The following DGAT2L6 variants were observed in gnomAD, a reference collection of about 807,000 sequenced individuals.
DGAT2L6 encodes the protein diacylglycerol O-acyltransferase 2-like protein 6.
A neutral mutation model predicts 25.5 loss-of-function variants in DGAT2L6; 22 were observed. The ratio of observed to expected loss-of-function variants is 0.86; its 90% confidence interval spans 0.62 to 1.23. The LOEUF is 1.23. Ranked by LOEUF, DGAT2L6 falls within the 50% of genes most tolerant of loss-of-function variation. DGAT2L6 has a pLI of 0.00. For missense variants in DGAT2L6, 287 were observed against 253.2 expected (o/e 1.13, Z -0.91); for synonymous variants, 100 against 94.7 (o/e 1.06, Z -0.32).
chrX:70,178,799 T>C (rs2085334496), intron 1 of DGAT2L6, among the ~76,000 whole-genome samples: 1 of 112,291 alleles, frequency 8.9e-6, no homozygotes, highest in Non-Finnish European at 1.9e-5. Context: ...TTTCCTTCAA[T>C]GATGAATGTA....
At position 70,205,334 on chromosome X, in the gene DGAT2L6, G is replaced by A; in HGVS notation, c.*228G>A. On this transcript the variant is annotated 3_prime_UTR_variant, in exon 7 of 7. Transcript: ENST00000333026. The stretch of plus-strand genomic sequence containing the variant: ...GAGGGGCAGGGGAGGACTGGGGAGG[G>A]CTGGCTAGCCAGAGGAGTTGGCTGT... The A allele has an allele frequency of 2.9e-6, 1 of 340,494 alleles. No homozygotes were observed. The highest frequency in any genetic ancestry group is 4.8e-6 in the Non-Finnish European group (1 of 209,241). 28.1% of individuals were successfully genotyped at this position (340,494 alleles called of 1,213,427 possible).
At chrX:70,204,594 G>A (rs1254809525) in intron 6 of DGAT2L6, 78 bp downstream of exon 6, 2 of 1,103,644 alleles carry the variant, frequency 1.8e-6, no homozygotes, top group African/African-American at 3.6e-5. Context: ...TCAAGTCCAG[G>A]GGGACCCAAC....
At chrX:70,183,167 G>A (rs777266925) in intron 1 of DGAT2L6, among the ~76,000 whole-genome samples, 7 of 112,581 alleles carry the variant, frequency 6.2e-5, no homozygotes, top group Admixed American at 1.9e-4. Flanking sequence ...ATGTATAAAG[G>A]TATCAGACTG....
rs756237445 is a variant in DGAT2L6 at position 70,183,294 on chromosome X, A to G, written c.85+5627A>G. Among the ~76,000 whole-genome samples the G allele has an allele frequency of 4.5e-5, 5 of 112,080 alleles. No homozygotes were observed. The East Asian group carries it at 1.4e-3, about 32-fold the overall frequency. Reference sequence around the variant, plus strand: ...AATCTATTCACTAAACAAACAGGAAATGTACTCTCCCACTCCTTCACCTCT... The same window carrying G: ...AATCTATTCACTAAACAAACAGGAAGTGTACTCTCCCACTCCTTCACCTCT... On this transcript the variant is annotated intron_variant, in intron 1 of 6. Transcript: ENST00000333026.
At chrX:70,203,463 T>C (rs2085417839) in intron 5 of DGAT2L6, among the ~76,000 whole-genome samples, 1 of 111,754 alleles carries the variant, frequency 8.9e-6, no homozygotes, top group African/African-American at 3.3e-5. Context: ...GAACTGTGAA[T>C]TGAAATATTG....
In DGAT2L6 at chrX:70,205,258, G is replaced by C; in HGVS notation, c.*152G>C. 1.5e-6 allele frequency: 1 copy of C among 681,058 alleles called. No individual in the cohort carries two copies. Among genetic ancestry groups the C allele is most frequent in the Non-Finnish European group, 2.0e-6 (1 of 503,268 alleles). The allele number at this position is 681,058 out of a possible 1,213,427, so 56.1% of individuals were successfully genotyped here. On this transcript the variant is annotated 3_prime_UTR_variant, in exon 7 of 7. Transcript: ENST00000333026. ...AATTATTTAATAAATCAGAGTTCTA[G>C]CAATAGAGTCCTCTCCCAAGTGGCT...
At chrX:70,178,400 T>C (rs2085333295) in intron 1 of DGAT2L6, among the ~76,000 whole-genome samples, 2 of 111,083 alleles carry the variant, frequency 1.8e-5, no homozygotes, top group Non-Finnish European at 3.8e-5. Context: ...AAGTCAACAA[T>C]GTTGGGCCTC....
intron 1 of DGAT2L6, among the ~76,000 whole-genome samples, chrX:70,187,231 C>T (rs771203269): frequency 9.0e-5 from 10 of 110,668 alleles, no homozygotes; most frequent in African/African-American, 3.0e-4. Context: ...CAAAGATGGC[C>T]TAAAAATATT....
intron 1 of DGAT2L6, among the ~76,000 whole-genome samples, chrX:70,186,368 C>T (rs1037986731): frequency 7.2e-5 from 8 of 111,620 alleles, no homozygotes; most frequent in South Asian, 3.7e-4. Flanking sequence ...CAATTCTGAC[C>T]GGGAGATGAG....
intron 1 of DGAT2L6, among the ~76,000 whole-genome samples, chrX:70,187,024 C>T (rs2085361712): frequency 9.0e-6 from 1 of 111,457 alleles, no homozygotes; most frequent in Non-Finnish European, 1.9e-5. Flanking sequence ...AAATTTCTGG[C>T]AGAGGTGTGG....
chrX:70,202,165 C>T (rs2085412980), intron 5 of DGAT2L6, 101 bp downstream of exon 5: 1 of 751,842 alleles, frequency 1.3e-6, no homozygotes, highest in Non-Finnish European at 1.8e-6. Context: ...AGAGGGCCCC[C>T]ATCTTCACTC....
At chrX:70,194,946 A>C (rs1259180698) in intron 1 of DGAT2L6, among the ~76,000 whole-genome samples, 1 of 112,147 alleles carries the variant, frequency 8.9e-6, no homozygotes, top group Non-Finnish European at 1.9e-5. Flanking sequence ...AACAAAATGA[A>C]AAGGCAACCC....
intron 1 of DGAT2L6, among the ~76,000 whole-genome samples, chrX:70,178,437 C>CTTTTT (rs943142877): frequency 9.0e-6 from 1 of 110,736 alleles, no homozygotes; most frequent in Non-Finnish European, 1.9e-5. Flanking sequence ...TCTGAGGCAG[C>CTTTTT]TTTTTTTTGT....
rs1569207575 is a variant in DGAT2L6, at chrX:70,204,390, T to C, written c.733T>C (p.Phe245Leu). 1.7e-6 allele frequency: 2 copies of C among 1,209,480 alleles called. No homozygotes were observed. Among genetic ancestry groups the C allele is most frequent in the Non-Finnish European group, 1.1e-6 (1 of 895,050 alleles). ...CCCTGAGGGCACGTGGTTAAGGTTG[T>C]TCCAAAAAACCTTCCAGGACACATT... Reference protein sequence around the residue: ...TFPEGTWLRLFQKTFQDTFKK... With the variant: ...TFPEGTWLRLLQKTFQDTFKK... Residue 245 changes from phenylalanine (F) to leucine (L), a missense_variant, in exon 6 of 7, where the codon TTC becomes CTC. Transcript: ENST00000333026.
intron 1 of DGAT2L6, among the ~76,000 whole-genome samples, chrX:70,179,155 C>G (rs1293989590): frequency 3.6e-5 from 4 of 112,159 alleles, no homozygotes; most frequent in Non-Finnish European, 3.8e-5. Context: ...GGGTCCACAG[C>G]CTTCTCAAAA....
intron 1 of DGAT2L6, among the ~76,000 whole-genome samples, chrX:70,188,360 G>A (rs1355827503): frequency 2.7e-5 from 3 of 111,379 alleles, no homozygotes; most frequent in African/African-American, 9.8e-5. Flanking sequence ...AACTGATGGT[G>A]CTGAAAAGAA....
chrX:70,199,076 A>C (rs1363360833), intron 1 of DGAT2L6, among the ~76,000 whole-genome samples, 195 bp from the exon 2 acceptor site: 2 of 111,726 alleles, frequency 1.8e-5, no homozygotes, highest in African/African-American at 6.5e-5. Flanking sequence ...ACCCAGATCC[A>C]GGGGCTTCAG....
At chrX:70,199,906 C>T (rs1180173405) in intron 3 of DGAT2L6, 24 bp downstream of exon 3, 48 of 1,183,862 alleles carry the variant, frequency 4.1e-5, no homozygotes, top group Non-Finnish European at 5.5e-5. Context: ...CTCGGGGTGC[C>T]CTCAGTCCCT....
intron 1 of DGAT2L6, among the ~76,000 whole-genome samples, chrX:70,194,940 A>G (rs1005706180): frequency 8.9e-6 from 1 of 112,068 alleles, no homozygotes; most frequent in African/African-American, 3.2e-5. Context: ...ACAATCAACA[A>G]AATGAAAAGG....
Sources: allele counts gnomAD v4.1 joint callset (sites outside exome capture counted in the v4.1 genomes callset), GRCh38; gene constraint gnomAD v4.1.1; transcripts MANE v1.5; gene names NCBI Gene and HGNC (gene_info 2026-07-23, HGNC 2026-07-21).